The following VMP1 variants were observed in gnomAD, a reference collection of about 807,000 sequenced individuals.
The protein encoded by VMP1 is ectopic P-granules autophagy protein 3 homolog.
A neutral mutation model predicts 56.0 loss-of-function variants in VMP1; 11 were observed. The ratio of observed to expected loss-of-function variants is 0.20; its 90% CI spans 0.12 to 0.32. The LOEUF (loss-of-function observed/expected upper bound fraction) is 0.32, where lower values mean the gene tolerates loss of function less well. Among genes scored for constraint, VMP1 ranks in the 10% least tolerant of loss-of-function variants. The pLI is 1.00. For synonymous variants in VMP1, 149 were observed against 165.0 expected (o/e 0.90, Z 0.74); for missense variants, 296 against 490.3 (o/e 0.60, Z 3.74).
intron 7 of VMP1, among the ~76,000 whole-genome samples, chr17:59,798,008 C>T (rs1175954440): frequency 6.6e-6 from 1 of 152,172 alleles, no homozygotes; most frequent in East Asian, 1.9e-4. Context: ...GTGCCACCAG[C>T]AGGGTTTCTG....
Position 59,785,920 on chromosome 17 carries a change from T to C in VMP1, c.714+12035T>C, listed in dbSNP as rs140896512. 2.6e-3 allele frequency among the ~76,000 whole-genome samples: 393 copies of C among 152,266 alleles called. 1 individual carries two copies. The highest frequency in any genetic ancestry group is 8.4e-3 in the African/African-American group (350 of 41,554). On this transcript the variant is annotated intron_variant, in intron 7 of 11. Coordinates refer to ENST00000262291, the MANE Select transcript of VMP1 (RefSeq NM_030938.5). Reference sequence around the variant, plus strand: ...AATGTAATTAATAATCAATAATTGCTACCTACTCTGTATGTTGAAGCTAAA... The same window carrying C: ...AATGTAATTAATAATCAATAATTGCCACCTACTCTGTATGTTGAAGCTAAA...
In VMP1 at chr17:59,841,252, T is replaced by C; in HGVS notation, c.*1341T>C. The C allele has an allele frequency of 2.0e-6, 1 of 498,960 alleles. No homozygotes were observed. The highest frequency in any genetic ancestry group is 1.5e-5 in the South Asian group (1 of 68,790). The allele number at this position is 498,960 out of a possible 1,614,324, so 30.9% of individuals were successfully genotyped here. A position where few individuals can be genotyped will look rare whatever the true frequency, so the allele number is the denominator to read the frequency against. The stretch of plus-strand genomic sequence containing the variant: ...TTTGCCTACCATCGTGACATCTCCA[T>C]GGCTGTACCACCTTGTCGGGTAGCT... On this transcript the variant is annotated 3_prime_UTR_variant, in exon 12 of 12. Coordinates refer to ENST00000262291, the MANE Select transcript of VMP1 (RefSeq NM_030938.5).
chr17:59,783,936 T>C (rs2036914256), intron 7 of VMP1, among the ~76,000 whole-genome samples: 1 of 152,200 alleles, frequency 6.6e-6, no homozygotes, highest in Non-Finnish European at 1.5e-5. Context: ...CTGTGATGCC[T>C]CCCACTGTGT....
rs561973172 is a variant in VMP1, at chr17:59,735,574, G to T, written c.212+101G>T. The T allele has an allele frequency of 6.4e-6, 8 of 1,255,698 alleles. No individual in the cohort carries two copies. In the Admixed American group the frequency reaches 8.7e-5, roughly 14 times the overall value. 77.8% of individuals were successfully genotyped at this position (1,255,698 alleles called of 1,614,324 possible). ...TTCTGCCCTCTACTCCATCAAAATGGATTAATTACCTTTAGAATATTACCA... is the reference window on the plus strand; with the variant it reads ...TTCTGCCCTCTACTCCATCAAAATGTATTAATTACCTTTAGAATATTACCA... On this transcript the variant is annotated intron_variant, in intron 3 of 11. Coordinates refer to ENST00000262291, the MANE Select transcript of VMP1 (RefSeq NM_030938.5).
chr17:59,832,106 A>G (rs1307998964), intron 10 of VMP1, among the ~76,000 whole-genome samples: 1 of 151,882 alleles, frequency 6.6e-6, no homozygotes, highest in Non-Finnish European at 1.5e-5. Flanking sequence ...TAAAAATATG[A>G]AGATACTACT....
chr17:59,827,732 T>A (rs1231170055), intron 10 of VMP1, among the ~76,000 whole-genome samples: 1 of 151,318 alleles, frequency 6.6e-6, no homozygotes, highest in Non-Finnish European at 1.5e-5. Context: ...GCGGGATTGC[T>A]TGAGCCCAGA....
intron 10 of VMP1, among the ~76,000 whole-genome samples, chr17:59,835,182 G>A (rs2038940986): frequency 6.6e-6 from 1 of 151,682 alleles, no homozygotes; most frequent in Non-Finnish European, 1.5e-5. Flanking sequence ...AGGCTGGAGT[G>A]CAATGGCGTG....
Position 59,749,430 on chromosome 17 carries a change from A to T in VMP1, c.414+10483A>T, listed in dbSNP as rs143486338. On this transcript the variant is annotated intron_variant, in intron 5 of 11. Coordinates refer to ENST00000262291, the MANE Select transcript of VMP1 (RefSeq NM_030938.5). ...ATAAACCTGCAGGCTTTGAATTTGA[A>T]CTCTAAAGGGCCACACTTTAAAAGA... Among the ~76,000 whole-genome samples, 210 of 151,810 alleles carry T rather than the reference A, an allele frequency of 1.4e-3. 1 individual carries two copies. Among genetic ancestry groups the T allele is most frequent in the East Asian group, 0.01 (52 of 5,170 alleles).
At position 59,838,326 on chromosome 17, in the gene VMP1, A is replaced by G; in HGVS notation, c.1006A>G (p.Lys336Glu). 6.2e-7 allele frequency: 1 copy of G among 1,614,072 alleles called. No individual in the cohort carries two copies. The highest frequency in any genetic ancestry group is 8.5e-7 in the Non-Finnish European group (1 of 1,180,016). The stretch of plus-strand genomic sequence containing the variant: ...CCCCGGCATAGGTCCATCTCTGCAG[A>G]AGCCATTTCAGGAGTACCTGGAGGC... ...AVPGIGPSLQ[K>E]PFQEYLEAQR... Residue 336 changes from lysine to glutamate, a missense_variant, in exon 11 of 12, where the codon AAG (lysine) becomes GAG (glutamate). By Grantham distance (56) the Lys-to-Glu change is moderately conservative. Transcript: ENST00000262291.
At chr17:59,817,565 T>A in intron 9 of VMP1, 147 bp from the exon 10 acceptor site, 1 of 497,738 alleles carries the variant, frequency 2.0e-6, no homozygotes. Context: ...TTGGACAGGA[T>A]GGAAATGTTA....
At position 59,741,283 on chromosome 17, in the gene VMP1, T is replaced by C. The variant is rs2035215947; in HGVS notation, c.414+2336T>C. 4.6e-5 allele frequency among the ~76,000 whole-genome samples: 7 copies of C among 152,128 alleles called. No individual in the cohort carries two copies. In the South Asian group the frequency reaches 1.5e-3, roughly 32 times the overall value. On this transcript the variant is annotated intron_variant, in intron 5 of 11. Transcript: ENST00000262291. ...TATGAATATATAATCCTGGCTATAG[T>C]GTGGGAGATAGATTGAAGGTGGAAG...
chr17:59,819,974 A>G (rs1568209073), intron 10 of VMP1, among the ~76,000 whole-genome samples: 1 of 152,130 alleles, frequency 6.6e-6, no homozygotes, highest in African/African-American at 2.4e-5. Flanking sequence ...TTACTTAGCT[A>G]CTTGTTTCAT....
At chr17:59,803,058 A>T (rs904308763) in intron 7 of VMP1, among the ~76,000 whole-genome samples, 19 of 152,134 alleles carry the variant, frequency 1.2e-4, no homozygotes, top group Admixed American at 1.2e-3. Flanking sequence ...TGTTGCTTTT[A>T]AAGAGATCTT....
chr17:59,775,539 C>G (rs1479767663), intron 7 of VMP1, among the ~76,000 whole-genome samples: 1 of 151,006 alleles, frequency 6.6e-6, no homozygotes, highest in East Asian at 2.0e-4. Context: ...CCAGGCTGGC[C>G]TCAAACTCCT....
chr17:59,829,784 G>C (rs1264632341), intron 10 of VMP1, among the ~76,000 whole-genome samples: 1 of 152,040 alleles, frequency 6.6e-6, no homozygotes, highest in Non-Finnish European at 1.5e-5. Context: ...TGTAATGGGA[G>C]TAGGATAGGG....
At position 59,792,873 on chromosome 17, in the gene VMP1, A is replaced by T. The variant is rs1207842318; in HGVS notation, c.715-15923A>T. Among the ~76,000 whole-genome samples, 20 of 44,804 alleles carry T rather than the reference A, an allele frequency of 4.5e-4. 2 individuals are homozygous for T. The highest frequency in any genetic ancestry group is 6.6e-4 in the African/African-American group (14 of 21,272). 29.4% of individuals were successfully genotyped at this position (44,804 alleles called of 152,430 possible). A position where few individuals can be genotyped will look rare whatever the true frequency, so the allele number is the denominator to read the frequency against. ...CTCAAAAAATAATAATAATAATAAT[A>T]ATAATTATTATTATTATTATCAGAT... On this transcript the variant is annotated intron_variant, in intron 7 of 11. Coordinates refer to ENST00000262291, the MANE Select transcript of VMP1 (RefSeq NM_030938.5).
At position 59,838,144 on chromosome 17, in the gene VMP1, T is replaced by C. The variant is rs193047324; in HGVS notation, c.975-151T>C. On this transcript the variant is annotated intron_variant, in intron 10 of 11. Transcript: ENST00000262291. ...TTTAACTAAAAAGGGGTCACAGAAT[T>C]TCAGCAGTTCTCTGATTTTTATATT... 20 of 400,472 alleles carry C rather than the reference T, an allele frequency of 5.0e-5. No individual in the cohort carries two copies. In the East Asian group the frequency reaches 7.9e-4, roughly 16 times the overall value. The allele number at this position is 400,472 out of a possible 1,614,324, so 24.8% of individuals were successfully genotyped here.
At chr17:59,708,631 G>A (rs547308396) in intron 1 of VMP1, among the ~76,000 whole-genome samples, 1 of 152,268 alleles carries the variant, frequency 6.6e-6, no homozygotes, top group Non-Finnish European at 1.5e-5. Context: ...GATTTTTGTG[G>A]ACAGATTACA....
chr17:59,802,740 G>T (rs1253714649), intron 7 of VMP1, among the ~76,000 whole-genome samples: 1 of 151,424 alleles, frequency 6.6e-6, no homozygotes, highest in African/African-American at 2.4e-5. Flanking sequence ...TAATTTTCTG[G>T]GTTTGCTTTG....
Sources: gnomAD v4.1 joint callset for allele counts (sites outside exome capture counted in the v4.1 genomes callset) on GRCh38, gnomAD v4.1.1 for gene constraint, MANE v1.5 for transcripts, NCBI Gene and HGNC (gene_info 2026-07-23, HGNC 2026-07-21) for gene names.